DTNA: variants seen among roughly 807,000 people sequenced by gnomAD.
The protein encoded by DTNA is dystrobrevin alpha, also known as dystrophin-related protein 3.
A neutral mutation model predicts 100.7 loss-of-function variants in DTNA; 43 were observed. The observed-to-expected ratio is 0.43, with a 90% confidence interval of 0.33 to 0.55. DTNA has a LOEUF of 0.55. Among genes scored for constraint, DTNA ranks in the 20% least tolerant of loss-of-function variants. The probability of loss-of-function intolerance (pLI) is 0.04; values close to 1 mark genes in which losing one functional copy is unlikely to be tolerated. For missense variants in DTNA, 798 were observed against 953.9 expected, an observed-to-expected ratio of 0.84 and a Z score of 2.15; for synonymous variants, 349 against 347.9, an observed-to-expected ratio of 1.00 and a Z score of -0.04.
chr18:34,736,993 G>A (rs931357573), intron 1 of DTNA, among the ~76,000 whole-genome samples: 1 of 152,118 alleles, frequency 6.6e-6, no homozygotes, highest in African/African-American at 2.4e-5. Flanking sequence ...GGTATGGCTT[G>A]GGAAGAATGG....
rs1293168446 is a variant in DTNA at position 34,838,090 on chromosome 18, C to G, written c.1176-4C>G. On this transcript the variant is annotated splice_polypyrimidine_tract_variant and splice_region_variant and intron_variant, in intron 11 of 22. Coordinates refer to ENST00000444659, the MANE Select transcript of DTNA (RefSeq NM_001386795.1). ...CTTCTTGGCTTTCCCATCTTATTAA[C>G]TAGCTCTCCTCCCAAGGACAGTGAA... The G allele has an allele frequency of 6.2e-7, 1 of 1,613,612 alleles. No individual in the cohort carries two copies. The highest frequency in any genetic ancestry group is 8.5e-7 in the Non-Finnish European group (1 of 1,179,770).
chr18:34,616,929 T>C (rs1226960102), intron 1 of DTNA, among the ~76,000 whole-genome samples: 1 of 152,324 alleles, frequency 6.6e-6, no homozygotes, highest in Admixed American at 6.5e-5. Flanking sequence ...TCAGCTTGAA[T>C]GCTATTGGAA....
At chr18:34,534,751 A>C (rs1346873497) in intron 1 of DTNA, among the ~76,000 whole-genome samples, 2 of 151,886 alleles carry the variant, frequency 1.3e-5, no homozygotes, top group African/African-American at 4.8e-5. Context: ...TGTTTGGTTT[A>C]CTGTTCCTGT....
At chr18:34,557,320 C>T (rs1196224573) in intron 1 of DTNA, among the ~76,000 whole-genome samples, 1 of 142,620 alleles carries the variant, frequency 7.0e-6, no homozygotes, top group African/African-American at 2.8e-5. Flanking sequence ...TGAATGTCCT[C>T]CTGTAGCTCA....
At chr18:34,862,124 C>CAAAAAAA (rs1002538086) in intron 16 of DTNA, among the ~76,000 whole-genome samples, 1 of 56,254 alleles carries the variant, frequency 1.8e-5, no homozygotes, top group Non-Finnish European at 3.6e-5. Context: ...CAGACAAGGT[C>CAAAAAAA]AAAAAAAAAA....
chr18:34,630,110 A>G (rs959647801), intron 1 of DTNA, among the ~76,000 whole-genome samples: 1 of 151,990 alleles, frequency 6.6e-6, no homozygotes, highest in Non-Finnish European at 1.5e-5. Context: ...AGTTATCACC[A>G]CTGTAAACCT....
At chr18:34,668,276 CT>C (rs2076231467) in intron 1 of DTNA, among the ~76,000 whole-genome samples, 1 of 152,118 alleles carries the variant, frequency 6.6e-6, no homozygotes, top group Non-Finnish European at 1.5e-5. Context: ...GTTATAACCC[CT>C]TTATCATTTT....
chr18:34,830,862 A>G (rs184547560), intron 11 of DTNA, among the ~76,000 whole-genome samples: 1 of 152,302 alleles, frequency 6.6e-6, no homozygotes, highest in Non-Finnish European at 1.5e-5. Context: ...GGCTGATTTG[A>G]TGGAAATCTA....
intron 1 of DTNA, among the ~76,000 whole-genome samples, chr18:34,555,561 T>G (rs1175584480): frequency 6.6e-6 from 1 of 152,206 alleles, no homozygotes; most frequent in Non-Finnish European, 1.5e-5. Flanking sequence ...GTCCCAGAGA[T>G]TCTAGTGTGT....
At chr18:34,605,697 T>C (rs1315436862) in intron 1 of DTNA, among the ~76,000 whole-genome samples, 1 of 151,242 alleles carries the variant, frequency 6.6e-6, no homozygotes, top group Non-Finnish European at 1.5e-5. Flanking sequence ...TCTAGGAATA[T>C]ACACATTAAA....
At chr18:34,540,833 A>G (rs1412532165) in intron 1 of DTNA, among the ~76,000 whole-genome samples, 1 of 152,130 alleles carries the variant, frequency 6.6e-6, no homozygotes, top group East Asian at 1.9e-4. Context: ...GTGCTGGACA[A>G]CCAAGAATTT....
intron 1 of DTNA, among the ~76,000 whole-genome samples, chr18:34,552,631 G>A (rs1263158580): frequency 6.7e-6 from 1 of 149,154 alleles, no homozygotes; most frequent in Non-Finnish European, 1.5e-5. Flanking sequence ...TGCAGTGTTT[G>A]GTTTTTTGTT....
intron 17 of DTNA, chr18:34,868,753 G>T: frequency 6.1e-6 from 6 of 985,194 alleles, no homozygotes; most frequent in Non-Finnish European, 7.2e-6. Flanking sequence ...AATAGTGCCT[G>T]TAATATAATG....
chr18:34,680,066 A>C (rs2145442348), intron 1 of DTNA, among the ~76,000 whole-genome samples: 1 of 152,228 alleles, frequency 6.6e-6, no homozygotes, highest in East Asian at 1.9e-4. Flanking sequence ...TCTGTGTTTG[A>C]GATCGGGATA....
chr18:34,614,225 G>A (rs1284336217), intron 1 of DTNA, among the ~76,000 whole-genome samples: 1 of 152,140 alleles, frequency 6.6e-6, no homozygotes, highest in Non-Finnish European at 1.5e-5. Context: ...CTGCTAAAAA[G>A]AAAAAGATAA....
At chr18:34,569,905 AC>A (rs1413848560) in intron 1 of DTNA, among the ~76,000 whole-genome samples, 46 of 152,080 alleles carry the variant, frequency 3.0e-4, no homozygotes, top group Non-Finnish European at 5.6e-4. Flanking sequence ...ACACACACAC[AC>A]ACAAAATAAT....
At chr18:34,688,925 T>C (rs2079314922) in intron 1 of DTNA, among the ~76,000 whole-genome samples, 1 of 152,136 alleles carries the variant, frequency 6.6e-6, no homozygotes, top group East Asian at 1.9e-4. Context: ...TTATTCTGCT[T>C]GATCGATTCA....
intron 1 of DTNA, among the ~76,000 whole-genome samples, chr18:34,635,586 CCTTAA>C (rs1227141897): frequency 6.6e-6 from 1 of 152,036 alleles, no homozygotes; most frequent in African/African-American, 2.4e-5. Context: ...TCATATATAT[CCTTAA>C]CTTAGGTATG....
At chr18:34,641,245 A>T (rs1234868314) in intron 1 of DTNA, among the ~76,000 whole-genome samples, 1 of 152,248 alleles carries the variant, frequency 6.6e-6, no homozygotes, top group Non-Finnish European at 1.5e-5. Context: ...CCTAAAAATA[A>T]TTATAACTAT....
Sources: gnomAD v4.1 joint callset for allele counts (sites outside exome capture counted in the v4.1 genomes callset) on GRCh38, gnomAD v4.1.1 for gene constraint, MANE v1.5 for transcripts, NCBI Gene and HGNC (gene_info 2026-07-23, HGNC 2026-07-21) for gene names.